The following WEE1 variants were observed in gnomAD, a reference collection of about 807,000 sequenced individuals.
The protein encoded by WEE1 is wee1-like protein kinase.
In WEE1, 16 loss-of-function variants were observed where a neutral mutation model predicts 68.8. That is an observed-to-expected ratio of 0.23 (90% CI 0.16 to 0.35). The LOEUF is 0.35. Among genes scored for constraint, WEE1 ranks in the 10% least tolerant of loss-of-function variants. WEE1 has a pLI of 1.00. For synonymous variants in WEE1, 349 were observed against 318.7 expected, an observed-to-expected ratio of 1.09 and a Z score of -1.01; for missense variants, 651 against 824.1, an observed-to-expected ratio of 0.79 and a Z score of 2.57.
chr11:9,579,565 A>G (rs1008304161), intron 5 of WEE1: 1 of 152,208 alleles, frequency 6.6e-6, no homozygotes, highest in African/African-American at 2.4e-5. Flanking sequence ...CTGAAATGTC[A>G]GAACCTGTTT....
Position 9,588,915 on chromosome 11 carries a change from G to A in WEE1, c.*313G>A, listed in dbSNP as rs1849731616. 1.0e-6 allele frequency: 1 copy of A among 1,000,032 alleles called. No homozygotes were observed. The highest frequency in any genetic ancestry group is 1.2e-6 in the Non-Finnish European group (1 of 839,036). 61.9% of individuals were successfully genotyped at this position (1,000,032 alleles called of 1,614,324 possible). A position where few individuals can be genotyped will look rare whatever the true frequency, so the allele number is the denominator to read the frequency against. ...ATTGTAATAAAAGGTGTCTTTCCCT[G>A]TAGTGACCTGTAAAAAGTACTCAAG... is the stretch of plus-strand genomic sequence containing the variant. On this transcript the variant is annotated 3_prime_UTR_variant, in exon 11 of 11. Coordinates refer to ENST00000450114, the MANE Select transcript of WEE1 (RefSeq NM_003390.4).
chr11:9,587,134 A>G (rs1433547598), intron 10 of WEE1, among the ~76,000 whole-genome samples: 1 of 151,912 alleles, frequency 6.6e-6, no homozygotes, highest in African/African-American at 2.4e-5. Flanking sequence ...TAATTTTTAT[A>G]TTTTTTGTAG....
Position 9,589,949 on chromosome 11 carries a change from A to G in WEE1, c.*1347A>G, listed in dbSNP as rs936457094. ...GCATGATGTAATTTAAAATATCTTC[A>G]AATTATTAAGTGAATATAATATGAT... is the stretch of plus-strand genomic sequence containing the variant. On this transcript the variant is annotated 3_prime_UTR_variant, in exon 11 of 11. Coordinates refer to ENST00000450114, the MANE Select transcript of WEE1 (RefSeq NM_003390.4). 1 of 154,830 alleles carries G rather than the reference A, an allele frequency of 6.5e-6. No individual in the cohort carries two copies. The highest frequency in any genetic ancestry group is 1.4e-5 in the Non-Finnish European group (1 of 70,426). 9.6% of individuals were successfully genotyped at this position (154,830 alleles called of 1,614,324 possible). A position where few individuals can be genotyped will look rare whatever the true frequency, so the allele number is the denominator to read the frequency against.
chr11:9,583,759 GCGCACACACACACACACACACACACA>G (rs1327917770), intron 6 of WEE1, among the ~76,000 whole-genome samples: 17 of 41,602 alleles, frequency 4.1e-4, no homozygotes, highest in African/African-American at 1.3e-3. Context: ...GTGCACGCGC[GCGCACACACACACACACACACACACA>G]CACACACACA....
intron 10 of WEE1, among the ~76,000 whole-genome samples, chr11:9,587,382 G>A (rs1298469482): frequency 2.6e-5 from 4 of 152,138 alleles, no homozygotes; most frequent in African/African-American, 9.7e-5. Context: ...AAAATGTTGA[G>A]ACTAACATAT....
chr11:9,588,797 C>T lies in WEE1; in HGVS notation c.*195C>T. ...CAGGCTTTCATCTAATCTTACCAGTCTGTCTTCTGTAGGATGTGTCACTGT... is the reference window on the plus strand; with the variant it reads ...CAGGCTTTCATCTAATCTTACCAGTTTGTCTTCTGTAGGATGTGTCACTGT... On this transcript the variant is annotated 3_prime_UTR_variant, in exon 11 of 11. Transcript: ENST00000450114. 8.3e-7 allele frequency: 1 copy of T among 1,198,256 alleles called. No homozygotes were observed. Among genetic ancestry groups the T allele is most frequent in the Non-Finnish European group, 1.0e-6 (1 of 961,072 alleles). The allele number at this position is 1,198,256 out of a possible 1,614,324, so 74.2% of individuals were successfully genotyped here.
chr11:9,580,806 A>G (rs1849619296), intron 5 of WEE1: 1 of 152,252 alleles, frequency 6.6e-6, no homozygotes, highest in Admixed American at 6.5e-5. Flanking sequence ...AAAGACAAGA[A>G]GAAATGGGTT....
chr11:9,575,084 T>G, intron 1 of WEE1: 1 of 985,516 alleles, frequency 1.0e-6, no homozygotes, highest in Non-Finnish European at 1.2e-6. Flanking sequence ...TACAGACTCA[T>G]CCTAAGTCCA....
At chr11:9,579,401 T>C (rs190325685) in intron 5 of WEE1, 6 of 152,362 alleles carry the variant, frequency 3.9e-5, no homozygotes, top group Admixed American at 3.9e-4. Context: ...TGATATTTAT[T>C]TGTACATGAG....
Position 9,576,280 on chromosome 11 carries a change from C to G in WEE1, c.833C>G (p.Thr278Arg). ...EASDYELEDE[T>R]RPAKRITITE... ...AGTGATTATGAGCTTGAAGATGAAA[C>G]AAGACCTGCTAAGGTAAATAGCTTT... Residue 278 changes from threonine to arginine, a missense_variant, in exon 3 of 11, where the codon ACA (threonine) becomes AGA (arginine). Thr to Arg is a moderately conservative substitution (Grantham distance 71). Around this residue, in one of 5 missense-constraint regions of WEE1, gnomAD observed 395 missense variants for 378.4 expected, o/e 1.04. Transcript: ENST00000450114. This position sits in a 1 kb window ranked among gnomAD's most constrained non-coding sequence, Gnocchi z 4.3. The G allele has an allele frequency of 6.6e-7, 1 of 1,524,240 alleles. No homozygotes were observed. The highest frequency in any genetic ancestry group is 8.9e-7 in the Non-Finnish European group (1 of 1,122,276). 94.4% of individuals were successfully genotyped at this position (1,524,240 alleles called of 1,614,324 possible).
chr11:9,576,572 G>T lies in WEE1; in HGVS notation c.932G>T (p.Gly311Val). The T allele has an allele frequency of 1.2e-6, 2 of 1,614,024 alleles. No homozygotes were observed. The highest frequency in any genetic ancestry group is 1.7e-6 in the Non-Finnish European group (2 of 1,179,954). ...ELEKIGSGEF[G>V]SVFKCVKRLD... ...GAGAAAATCGGCTCTGGAGAATTTGGTTCTGTATTTAAGTGTGTGAAGAGG... is the reference window on the plus strand; with the variant it reads ...GAGAAAATCGGCTCTGGAGAATTTGTTTCTGTATTTAAGTGTGTGAAGAGG... Residue 311 changes from glycine (G) to valine (V), a missense_variant, in exon 4 of 11, where the codon GGT becomes GTT. Gly to Val is a moderately radical substitution (Grantham distance 109). Coordinates refer to ENST00000450114, the MANE Select transcript of WEE1 (RefSeq NM_003390.4). The surrounding 1 kb of genome is among the most constrained non-coding windows in gnomAD (Gnocchi z 4.3).
intron 6 of WEE1, among the ~76,000 whole-genome samples, chr11:9,583,997 C>T (rs1049596620): frequency 2.0e-5 from 3 of 151,228 alleles, no homozygotes; most frequent in African/African-American, 7.3e-5. Flanking sequence ...AGGCGTGCAC[C>T]ACCATGCCTA....
chr11:9,575,410 A>T (rs1022931879), intron 1 of WEE1: 8 of 995,588 alleles, frequency 8.0e-6, no homozygotes, highest in Non-Finnish European at 9.6e-6. Context: ...ACTGTTTGTC[A>T]TCAGCCTAGG....
chr11:9,577,516 A>G (rs1373969131), intron 5 of WEE1: 4 of 425,874 alleles, frequency 9.4e-6, no homozygotes, highest in African/African-American at 4.0e-5. Flanking sequence ...TGACAAGACT[A>G]TGGCCTCGAC....
rs1440889967 is a variant in WEE1, at chr11:9,574,563, C to T, written c.576+54C>T. 8.6e-7 allele frequency: 1 copy of T among 1,166,054 alleles called. No individual in the cohort carries two copies. The allele number at this position is 1,166,054 out of a possible 1,614,324, so 72.2% of individuals were successfully genotyped here. ...GGCCGGGGCCGCGGCGCCGGAGGGG[C>T]CAGCGCCGCTGCCTGGGTTCGGTTA... On this transcript the variant is annotated intron_variant, in intron 1 of 10. Coordinates refer to ENST00000450114, the MANE Select transcript of WEE1 (RefSeq NM_003390.4). This position sits in a 1 kb window ranked among gnomAD's most constrained non-coding sequence, Gnocchi z 4.9.
chr11:9,573,956 A>AGCC lies in WEE1; in HGVS notation c.30_32dup (p.Pro12dup). 7.7e-6 allele frequency: 10 copies of AGCC among 1,291,646 alleles called. No homozygotes were observed. The highest frequency in any genetic ancestry group is 9.8e-6 in the Non-Finnish European group (10 of 1,019,642). The allele number at this position is 1,291,646 out of a possible 1,614,324, so 80.0% of individuals were successfully genotyped here. On this transcript the variant is annotated inframe_insertion, in exon 1 of 11. Transcript: ENST00000450114. ...GCGATGAGCTTCCTGAGCCGACAGC[A>AGCC]GCCGCCGCCACCCCGCCGCGCCGGG...
At position 9,588,604 on chromosome 11, in the gene WEE1, C is replaced by T. The variant is rs1380942069; in HGVS notation, c.*2C>T. ...TCTGTCAGCCTTACTATATACTGAG[C>T]TACTCCTTTCCCACCTCCCCCTGAA... On this transcript the variant is annotated 3_prime_UTR_variant, in exon 11 of 11. Coordinates refer to ENST00000450114, the MANE Select transcript of WEE1 (RefSeq NM_003390.4). 6.4e-6 allele frequency: 10 copies of T among 1,562,522 alleles called. No homozygotes were observed. The highest frequency in any genetic ancestry group is 8.6e-6 in the Non-Finnish European group (10 of 1,160,562).
Position 9,588,923 on chromosome 11 carries a change from C to CT in WEE1, c.*322dup. ...AAAAGGTGTCTTTCCCTGTAGTGAC[C>CT]TGTAAAAAGTACTCAAGGGCTTTAT... On this transcript the variant is annotated 3_prime_UTR_variant, in exon 11 of 11. Transcript: ENST00000450114. The CT allele has an allele frequency of 2.0e-6, 2 of 997,168 alleles. No homozygotes were observed. The highest frequency in any genetic ancestry group is 9.2e-5 in the South Asian group (2 of 21,692). 61.8% of individuals were successfully genotyped at this position (997,168 alleles called of 1,614,324 possible).
rs192010750 is a variant in WEE1, at chr11:9,577,148, C to T, written c.1026C>T (p.Asn342=). 73 of 1,607,148 alleles carry T rather than the reference C, an allele frequency of 4.5e-5. No individual in the cohort carries two copies. The Admixed American group carries it at 6.7e-4, about 15-fold the overall frequency. ...AATCTCAAATTTCTTCTAGGCAGAA[C>T]GCTTTGAGAGAAGTATATGCTCATG... ...KPLAGSVDEQ[N]ALREVYAHAV... is the part of the protein sequence containing the mutation. Residue 342 remains asparagine, a synonymous_variant, in exon 5 of 11, where the codon AAC becomes AAT. Transcript: ENST00000450114.
Sources: gnomAD v4.1 joint callset for allele counts (sites outside exome capture counted in the v4.1 genomes callset) on GRCh38, gnomAD v4.1.1 for gene constraint, gnomAD v4.1.1 regional missense constraint, Gnocchi (gnomAD v3.1) non-coding constraint, MANE v1.5 for transcripts, NCBI Gene and HGNC (gene_info 2026-07-23, HGNC 2026-07-21) for gene names.